TLN1: variants seen among roughly 807,000 people sequenced by gnomAD.
The protein encoded by TLN1 is talin 1, also known as talin-1.
In TLN1, 56 loss-of-function variants were observed where a neutral mutation model predicts 292.3. The observed-to-expected ratio is 0.19, with a 90% CI of 0.15 to 0.24. TLN1 has a LOEUF of 0.24. Among genes scored for constraint, TLN1 ranks in the 10% least tolerant of loss-of-function variants. TLN1 has a pLI of 1.00. For missense variants in TLN1, 2,433 were observed against 3,248.2 expected, an observed-to-expected ratio of 0.75 and a Z score of 6.10; for synonymous variants, 1,119 against 1,253.7, an observed-to-expected ratio of 0.89 and a Z score of 2.27.
chr9:35,721,571 G>A, intron 10 of TLN1, 77 bp downstream of exon 10: 1 of 1,513,144 alleles, frequency 6.6e-7, no homozygotes, highest in South Asian at 1.2e-5. Context: ...CTTACCCCAA[G>A]AGAGGGAAGA....
intron 28 of TLN1, 52 bp downstream of exon 28, chr9:35,711,953 G>T: frequency 6.2e-7 from 1 of 1,604,714 alleles, no homozygotes; most frequent in South Asian, 1.1e-5. Context: ...AGGAAGGAGA[G>T]GCCTGGCATT....
chr9:35,712,478 T>C (rs989237088), intron 27 of TLN1, among the ~76,000 whole-genome samples: 3 of 151,972 alleles, frequency 2.0e-5, no homozygotes, highest in Non-Finnish European at 2.9e-5. Context: ...GCCCTGTCTC[T>C]ACTAAAACAA....
In TLN1 at chr9:35,700,214, C is replaced by T. The variant is rs763362601; in HGVS notation, c.6637G>A (p.Ala2213Thr). The T allele has an allele frequency of 1.9e-6, 3 of 1,607,560 alleles. No individual in the cohort carries two copies. Among genetic ancestry groups the T allele is most frequent in the Middle Eastern group, 1.7e-4 (1 of 6,042 alleles). The change falls in exon 49 of 57, where the codon GCA becomes ACA. Residue 2213 changes from alanine (A) to threonine (T), a missense_variant. Ala to Thr is a moderately conservative substitution (Grantham distance 58). Around this residue, in one of 7 missense-constraint regions of TLN1, gnomAD observed 1,384 missense variants for 1,699.6 expected, o/e 0.81. Transcript: ENST00000314888. ...ATANLSRRAI[A>T]DMLRACKEAA... ...ACCTTGCAAGCCCGAAGCATATCTG[C>T]AATAGCACGGCGGCTCAGATTGGCT...
intron 48 of TLN1, 58 bp downstream of exon 48, chr9:35,703,502 A>G: frequency 6.7e-7 from 1 of 1,481,600 alleles, no homozygotes; most frequent in Non-Finnish European, 9.4e-7. Context: ...ACAGGTTCAC[A>G]GGCTTTCAGG....
chr9:35,723,103 C>T, intron 7 of TLN1, 182 bp from the exon 8 acceptor site: 1 of 490,926 alleles, frequency 2.0e-6, no homozygotes, highest in Non-Finnish European at 3.6e-6. Flanking sequence ...CGTGTAAACT[C>T]TTCTTTTTTT....
Position 35,717,437 on chromosome 9 carries a change from C to T in TLN1, c.2167G>A (p.Val723Met). The change falls in exon 19 of 57, where the codon GTG becomes ATG. Residue 723 changes from valine (V) to methionine (M), a missense_variant. By Grantham distance (21) the Val-to-Met change is conservative. This residue lies in a region of TLN1 where 617 missense variants were observed against 770.6 expected (regional missense o/e 0.80). Coordinates refer to ENST00000314888, the MANE Select transcript of TLN1 (RefSeq NM_006289.4). The surrounding 1 kb of genome is among the most constrained non-coding windows in gnomAD (Gnocchi z 4.7). ...ACAGGTGAGCTGATTGTAGGTGCCA[C>T]CACCTGTAGGTAAAGTGAATGTCAG... ...TSQLVACTKVVAPTISSPVCQ... is the reference protein window; with the variant it reads ...TSQLVACTKVMAPTISSPVCQ... The T allele has an allele frequency of 6.2e-7, 1 of 1,612,216 alleles. No homozygotes were observed. Among genetic ancestry groups the T allele is most frequent in the Non-Finnish European group, 8.5e-7 (1 of 1,178,478 alleles).
chr9:35,718,987 C>A, intron 16 of TLN1, 77 bp from the exon 17 acceptor site: 1 of 1,596,470 alleles, frequency 6.3e-7, no homozygotes, highest in East Asian at 2.2e-5. Context: ...CCCACGGGAC[C>A]CAGGCTTCCA....
chr9:35,717,656 C>G lies in TLN1; in HGVS notation c.2126G>C (p.Cys709Ser). The change falls in exon 18 of 57, where the codon TGT becomes TCT. Residue 709 changes from cysteine to serine, a missense_variant. By Grantham distance (112) the Cys-to-Ser change is moderately radical. Transcript: ENST00000314888. This position sits in a 1 kb window ranked among gnomAD's most constrained non-coding sequence, Gnocchi z 4.7. ...QTQVIAAATQCALSTSQLVAC... is the reference protein window; with the variant it reads ...QTQVIAAATQSALSTSQLVAC... The stretch of plus-strand genomic sequence containing the variant: ...CACTAGTTGGGAAGTGGATAGGGCA[C>G]ACTGTGTTGCTGCAGCAATAACTTG... 2 of 1,614,086 alleles carry G rather than the reference C, an allele frequency of 1.2e-6. No homozygotes were observed. Among genetic ancestry groups the G allele is most frequent in the Non-Finnish European group, 1.7e-6 (2 of 1,179,972 alleles).
rs773599476 is a variant in TLN1, at chr9:35,719,697, C to T, written c.1578+43G>A. 2.5e-6 allele frequency: 4 copies of T among 1,611,454 alleles called. No homozygotes were observed. The highest frequency in any genetic ancestry group is 3.4e-6 in the Non-Finnish European group (4 of 1,178,010). On this transcript the variant is annotated intron_variant, in intron 14 of 56. Transcript: ENST00000314888. The surrounding 1 kb of genome is among the most constrained non-coding windows in gnomAD (Gnocchi z 4.6). ...TCACCTCATCCCTATCCCTTGGAGT[C>T]TCAGCTTCAGTACCACCGGCCTCTC...
In TLN1 at chr9:35,704,427, A is replaced by G. The variant is rs769354751; in HGVS notation, c.5952T>C (p.Ala1984=). The change falls in exon 45 of 57, where the codon GCT becomes GCC. Residue 1984 remains alanine, a synonymous_variant. Coordinates refer to ENST00000314888, the MANE Select transcript of TLN1 (RefSeq NM_006289.4). The surrounding 1 kb of genome is among the most constrained non-coding windows in gnomAD (Gnocchi z 6.9). ...CGAGGTCAGCAATGATACCAGACAC[A>G]GCGCTGGCTGCTGTGATGCAGGCCT... ...GTQACITAAS[A]VSGIIADLDT... 3.7e-6 allele frequency: 6 copies of G among 1,614,102 alleles called. No homozygotes were observed. Among genetic ancestry groups the G allele is most frequent in the Admixed American group, 1.7e-5 (1 of 60,004 alleles).
At chr9:35,730,231 T>C (rs1431449571) in intron 1 of TLN1, among the ~76,000 whole-genome samples, 2 of 148,360 alleles carry the variant, frequency 1.3e-5, no homozygotes, top group Non-Finnish European at 3.0e-5. Flanking sequence ...ACATTGGCAA[T>C]GTCTAAGTAA....
At chr9:35,702,945 G>A (rs1331919036) in intron 48 of TLN1, among the ~76,000 whole-genome samples, 2 of 152,220 alleles carry the variant, frequency 1.3e-5, no homozygotes, top group Non-Finnish European at 2.9e-5. Context: ...GAGAAAGTGG[G>A]AGGGTGGTGA....
chr9:35,710,528 G>A lies in TLN1; in HGVS notation c.4326+33C>T, dbSNP rs773063031. The A allele has an allele frequency of 1.9e-6, 3 of 1,599,516 alleles. No individual in the cohort carries two copies. The Admixed American group carries it at 5.1e-5, about 27-fold the overall frequency. On this transcript the variant is annotated intron_variant, in intron 33 of 56. Coordinates refer to ENST00000314888, the MANE Select transcript of TLN1 (RefSeq NM_006289.4). ...GAGAAAATGGGGTAAAGAAAGTAGG[G>A]GCCATTCAAAGAACCCATCTCAGGA...
chr9:35,726,244 A>C (rs1825977026), intron 1 of TLN1, among the ~76,000 whole-genome samples: 1 of 152,168 alleles, frequency 6.6e-6, no homozygotes, highest in South Asian at 2.1e-4. Context: ...GGGAAAGGAG[A>C]AGCTGGTCTG....
rs373411416 is a variant in TLN1 at position 35,724,765 on chromosome 9, T to C, written c.359-41A>G. On this transcript the variant is annotated intron_variant, in intron 4 of 56. Transcript: ENST00000314888. The surrounding 1 kb of genome is among the most constrained non-coding windows in gnomAD (Gnocchi z 4.7). ...GCTTGTTAGCTTCCCAGGTACTGCA[T>C]CCATGCCTTTTGAGAGAGTTGAGGC... is the stretch of plus-strand genomic sequence containing the variant. The C allele has an allele frequency of 6.2e-7, 1 of 1,613,814 alleles. No homozygotes were observed.
rs567047372 is a variant in TLN1, at chr9:35,720,314, T to C, written c.1284-95A>G. The C allele has an allele frequency of 9.8e-6, 15 of 1,532,170 alleles. No individual in the cohort carries two copies. In the African/African-American group the frequency reaches 1.9e-4, roughly 20 times the overall value. 94.9% of individuals were successfully genotyped at this position (1,532,170 alleles called of 1,614,324 possible). ...CCTTTGCAGGTGTGTGAGGTCTCAC[T>C]ACAGCCTGCAACTAGTTAAAGAACC... On this transcript the variant is annotated intron_variant, in intron 12 of 56. Transcript: ENST00000314888.
chr9:35,711,818 C>G lies in TLN1; in HGVS notation c.3682-26G>C, dbSNP rs1354743987. ...CTGCAAGGTGAGAGGGGAAGTCAGA[C>G]AGAAGAGTGGGGAATGATGCAGGGA... On this transcript the variant is annotated intron_variant, in intron 28 of 56. Coordinates refer to ENST00000314888, the MANE Select transcript of TLN1 (RefSeq NM_006289.4). 1.4e-5 allele frequency: 22 copies of G among 1,613,106 alleles called. No individual in the cohort carries two copies. In the Admixed American group the frequency reaches 3.7e-4, roughly 27 times the overall value.
Position 35,714,615 on chromosome 9 carries a change from C to T in TLN1, c.2944G>A (p.Ala982Thr), listed in dbSNP as rs767995679. ...CTGGCAGCAATGAGGGCAAGCTGAG[C>T]GCTGGGGCTGTCAGGCTGGGCTTGG... The part of the protein sequence containing the change: ...GSQAQPDSPS[A>T]QLALIAASQS... The change falls in exon 23 of 57, where the codon GCT becomes ACT. Residue 982 changes from alanine to threonine, a missense_variant. Around this residue, in one of 7 missense-constraint regions of TLN1, gnomAD observed 617 missense variants for 770.6 expected, o/e 0.80. Transcript: ENST00000314888. The surrounding 1 kb of genome is among the most constrained non-coding windows in gnomAD (Gnocchi z 4.6). 2.2e-5 allele frequency: 36 copies of T among 1,612,900 alleles called. No homozygotes were observed. The highest frequency in any genetic ancestry group is 6.6e-5 in the South Asian group (6 of 91,084).
intron 1 of TLN1, among the ~76,000 whole-genome samples, chr9:35,728,383 G>A (rs964782383): frequency 1.3e-5 from 2 of 152,122 alleles, no homozygotes; most frequent in East Asian, 1.9e-4. Flanking sequence ...GTCCGCAACC[G>A]CTGGCAGTGG....
Sources: allele counts gnomAD v4.1 joint callset (sites outside exome capture counted in the v4.1 genomes callset), GRCh38; gene constraint gnomAD v4.1.1; regional missense constraint gnomAD v4.1.1; non-coding constraint Gnocchi (gnomAD v3.1); transcripts MANE v1.5; gene names NCBI Gene and HGNC (gene_info 2026-07-23, HGNC 2026-07-21).